The following GRHL1 variants were observed in gnomAD, a reference collection of about 807,000 sequenced individuals.
GRHL1 encodes the protein grainyhead-like protein 1 homolog.
GRHL1 carries 38 observed loss-of-function variants against 75.7 expected under a neutral mutation model. The observed-to-expected ratio is 0.50, with a 90% confidence interval of 0.39 to 0.66. The LOEUF is 0.66. GRHL1 is among the 30% of genes least tolerant of loss of function. GRHL1 has a pLI of 0.00. For synonymous variants in GRHL1, 266 were observed against 279.4 expected (o/e 0.95, Z 0.48); for missense variants, 589 against 767.5 (o/e 0.77, Z 2.75).
intron 8 of GRHL1, among the ~76,000 whole-genome samples, chr2:9,984,731 G>A (rs189466812): frequency 3.9e-5 from 6 of 152,114 alleles, no homozygotes; most frequent in African/African-American, 9.6e-5. Flanking sequence ...GAGTGTAGCC[G>A]GTGCTAACCT....
At chr2:9,970,202 C>T (rs1488867270) in intron 8 of GRHL1, among the ~76,000 whole-genome samples, 1 of 152,156 alleles carries the variant, frequency 6.6e-6, no homozygotes, top group African/African-American at 2.4e-5. Context: ...GAGGTTTTTC[C>T]AGTGGTAACA....
intron 1 of GRHL1, among the ~76,000 whole-genome samples, chr2:9,952,295 G>T (rs1398597744): frequency 6.6e-6 from 1 of 152,202 alleles, no homozygotes; most frequent in Admixed American, 6.5e-5. Context: ...GACTTCTCCA[G>T]GTAATCTGTG....
intron 8 of GRHL1, among the ~76,000 whole-genome samples, chr2:9,972,272 T>C (rs1004981799): frequency 2.6e-5 from 4 of 151,784 alleles, no homozygotes; most frequent in Admixed American, 2.0e-4. Flanking sequence ...TCTATAGAAC[T>C]TTCTTTTTTG....
rs946668285 is a variant in GRHL1, at chr2:9,965,067, A to G, written c.1016-220A>G. 3.8e-5 allele frequency: 17 copies of G among 448,882 alleles called. 1 individual carries two copies. Among genetic ancestry groups the G allele is most frequent in the Non-Finnish European group, 6.7e-5 (17 of 253,520 alleles). The allele number at this position is 448,882 out of a possible 1,614,324, so 27.8% of individuals were successfully genotyped here. ...TAGACTTAAATTTCCTAATTGTGACATAATGAGATTGAATTAAATATGTCT... is the reference window on the plus strand; with the variant it reads ...TAGACTTAAATTTCCTAATTGTGACGTAATGAGATTGAATTAAATATGTCT... On this transcript the variant is annotated intron_variant, in intron 7 of 15. Coordinates refer to ENST00000324907, the MANE Select transcript of GRHL1 (RefSeq NM_198182.3).
At chr2:9,981,040 A>C (rs994476940) in intron 8 of GRHL1, among the ~76,000 whole-genome samples, 5 of 152,250 alleles carry the variant, frequency 3.3e-5, no homozygotes, top group Admixed American at 6.5e-5. Context: ...AATCCATGGG[A>C]AGTGTTAAAA....
At chr2:9,964,952 C>G (rs1402284189) in intron 7 of GRHL1, 3 of 233,606 alleles carry the variant, frequency 1.3e-5, no homozygotes, top group East Asian at 1.8e-4. Context: ...TTGTAATGCT[C>G]TTGTTTCCTT....
chr2:9,974,653 T>C (rs1667872499), intron 8 of GRHL1, among the ~76,000 whole-genome samples: 1 of 152,246 alleles, frequency 6.6e-6, no homozygotes, highest in African/African-American at 2.4e-5. Flanking sequence ...TGTCTCATTA[T>C]TGACCAATTT....
intron 8 of GRHL1, among the ~76,000 whole-genome samples, chr2:9,973,509 T>G (rs1297204495): frequency 1.3e-5 from 2 of 152,260 alleles, no homozygotes; most frequent in African/African-American, 4.8e-5. Context: ...TAGTTTAAAC[T>G]ATTTCCCACT....
intron 14 of GRHL1, among the ~76,000 whole-genome samples, chr2:9,998,756 GTA>G (rs201395592): frequency 0.44 from 10,488 of 23,880 alleles, 3,333 homozygotes; most frequent in East Asian, 0.84. Context: ...ACATATATAC[GTA>G]TATATATGTA....
At chr2:9,962,378 A>G in intron 4 of GRHL1, 77 bp from the exon 5 acceptor site, 3 of 812,480 alleles carry the variant, frequency 3.7e-6, no homozygotes, top group South Asian at 1.4e-5. Flanking sequence ...ACATACTTTT[A>G]TGCGGTACCA....
At chr2:9,985,723 C>T (rs889828377) in intron 8 of GRHL1, among the ~76,000 whole-genome samples, 9 of 152,124 alleles carry the variant, frequency 5.9e-5, no homozygotes, top group African/African-American at 1.9e-4. Context: ...GTGGTGTCAA[C>T]GCAAATATAG....
At chr2:9,998,717 TACACACATATATACGTATATATGTAC>T in intron 14 of GRHL1, among the ~76,000 whole-genome samples, 1 of 58,008 alleles carries the variant, frequency 1.7e-5, no homozygotes, top group African/African-American at 1.1e-4. Context: ...CATATATATG[TACACACATATATACGTATATATGTAC>T]ACACATATAT....
rs185240007 is a variant in GRHL1 at position 9,965,401 on chromosome 2, C to A, written c.1110+20C>A. The A allele has an allele frequency of 8.9e-6, 12 of 1,343,094 alleles. No individual in the cohort carries two copies. Among genetic ancestry groups the A allele is most frequent in the East Asian group, 2.3e-5 (1 of 43,646 alleles). The allele number at this position is 1,343,094 out of a possible 1,614,324, so 83.2% of individuals were successfully genotyped here. On this transcript the variant is annotated intron_variant, in intron 8 of 15. Transcript: ENST00000324907. Reference sequence around the variant, plus strand: ...GCAAAGGTGGGTGGTGAGGTCTGGGCGCCTTATGTCCAGCCATTTGAGAAA... The same window carrying A: ...GCAAAGGTGGGTGGTGAGGTCTGGGAGCCTTATGTCCAGCCATTTGAGAAA...
intron 8 of GRHL1, among the ~76,000 whole-genome samples, chr2:9,975,752 G>T (rs1572360166): frequency 2.6e-5 from 4 of 151,976 alleles, no homozygotes; most frequent in South Asian, 2.1e-4. Flanking sequence ...TGAGTGTGGT[G>T]ATGCGTGCCT....
In GRHL1 at chr2:9,963,940, A is replaced by C. The variant is rs769446156; in HGVS notation, c.801A>C (p.Gly267=). ...EASKSLRQKP[G]DSTMTYLNKG... ...CAAAATCACTTCGACAGAAGCCAGG[A>C]GACAGTACCATGACGTACCTGAACA... The change falls in exon 6 of 16, where the codon GGA becomes GGC. Residue 267 remains glycine, a synonymous_variant. Coordinates refer to ENST00000324907, the MANE Select transcript of GRHL1 (RefSeq NM_198182.3). The C allele has an allele frequency of 1.2e-6, 2 of 1,613,766 alleles. No individual in the cohort carries two copies. Among genetic ancestry groups the C allele is most frequent in the Non-Finnish European group, 8.5e-7 (1 of 1,179,636 alleles).
Position 9,964,343 on chromosome 2 carries a change from A to G in GRHL1, c.1012A>G (p.Ile338Val), listed in dbSNP as rs1667399469. 3 of 1,539,396 alleles carry G rather than the reference A, an allele frequency of 1.9e-6. No individual in the cohort carries two copies. Among genetic ancestry groups the G allele is most frequent in the Middle Eastern group, 1.7e-4 (1 of 5,910 alleles). ...QHTAKQRCID[I>V]ADYKESFNTI... The stretch of plus-strand genomic sequence containing the variant: ...CACCGCTAAACAAAGATGCATTGAC[A>G]TAGGTAAGCAGCTCAAGAGCCCGCT... The change falls in exon 7 of 16, where the codon ATA becomes GTA. Residue 338 changes from isoleucine to valine, a missense_variant. Around this residue, in one of 5 missense-constraint regions of GRHL1, gnomAD observed 362 missense variants for 461.8 expected, o/e 0.78. Coordinates refer to ENST00000324907, the MANE Select transcript of GRHL1 (RefSeq NM_198182.3).
intron 4 of GRHL1, 81 bp downstream of exon 4, chr2:9,961,517 C>G (rs1667273200): frequency 4.6e-6 from 6 of 1,318,022 alleles, no homozygotes; most frequent in African/African-American, 1.5e-5. Flanking sequence ...GTTATGTAAG[C>G]ATGAAACTCA....
intron 14 of GRHL1, 67 bp downstream of exon 14, chr2:9,996,468 A>G: frequency 2.9e-6 from 3 of 1,050,820 alleles, no homozygotes; most frequent in Non-Finnish European, 3.0e-6. Flanking sequence ...ATTTCATTGA[A>G]ACACTTTATC....
intron 8 of GRHL1, among the ~76,000 whole-genome samples, chr2:9,978,036 G>C (rs900664436): frequency 6.6e-6 from 1 of 152,188 alleles, no homozygotes; most frequent in Non-Finnish European, 1.5e-5. Flanking sequence ...AAAACCATCA[G>C]ATCTCATGGG....
Sources: allele counts gnomAD v4.1 joint callset (sites outside exome capture counted in the v4.1 genomes callset), GRCh38; gene constraint gnomAD v4.1.1; regional missense constraint gnomAD v4.1.1; transcripts MANE v1.5; gene names NCBI Gene and HGNC (gene_info 2026-07-23, HGNC 2026-07-21).